The following TANC2 variants were observed in gnomAD, a reference collection of about 807,000 sequenced individuals.
TANC2 encodes protein TANC2.
In TANC2, 26 loss-of-function variants were observed where a neutral mutation model predicts 210.5. The observed-to-expected ratio is 0.12, with a 90% confidence interval of 0.09 to 0.17. The LOEUF is 0.17. TANC2 is among the 10% of genes least tolerant of loss of function. The probability of loss-of-function intolerance (pLI) is 1.00; values close to 1 mark genes in which losing one functional copy is unlikely to be tolerated. For missense variants in TANC2, 2,129 were observed against 2,608.9 expected (o/e 0.82, Z 4.01); for synonymous variants, 931 against 967.1 (o/e 0.96, Z 0.69).
At chr17:62,975,132 T>G (rs761914466) in intron 1 of TANC2, among the ~76,000 whole-genome samples, 2 of 152,184 alleles carry the variant, frequency 1.3e-5, no homozygotes, top group Non-Finnish European at 2.9e-5. Context: ...ATATAGAGAT[T>G]GTGATTTAGT....
At chr17:63,342,559 G>A (rs957591034) in intron 12 of TANC2, among the ~76,000 whole-genome samples, 1 of 151,886 alleles carries the variant, frequency 6.6e-6, no homozygotes, top group African/African-American at 2.4e-5. Context: ...GGTGGATCAC[G>A]AGGTCAGGAG....
At chr17:63,389,807 C>T (rs2047905812) in intron 17 of TANC2, 1 of 458,292 alleles carries the variant, frequency 2.2e-6, no homozygotes, top group South Asian at 2.2e-5. Context: ...CATAACAACC[C>T]AGAAATGATC....
intron 7 of TANC2, among the ~76,000 whole-genome samples, chr17:63,211,129 G>A (rs963546742): frequency 2.0e-5 from 3 of 151,900 alleles, no homozygotes; most frequent in African/African-American, 7.3e-5. Context: ...TCTTTCTGTT[G>A]TTTTTCACTC....
intron 11 of TANC2, among the ~76,000 whole-genome samples, chr17:63,321,014 C>T (rs1247841538): frequency 6.6e-6 from 1 of 152,124 alleles, no homozygotes; most frequent in African/African-American, 2.4e-5. Flanking sequence ...GCCTGACCAA[C>T]ATGGCAAAGC....
intron 11 of TANC2, among the ~76,000 whole-genome samples, chr17:63,322,670 T>C (rs1020062203): frequency 2.6e-5 from 4 of 152,236 alleles, no homozygotes; most frequent in Admixed American, 2.6e-4. Flanking sequence ...CCTGCTGTTA[T>C]ACAGTCCACA....
intron 9 of TANC2, among the ~76,000 whole-genome samples, chr17:63,309,357 G>A (rs1277488701): frequency 1.3e-5 from 2 of 151,956 alleles, no homozygotes; most frequent in Non-Finnish European, 2.9e-5. Flanking sequence ...TTCAAAAGAT[G>A]GTTTTGAATA....
chr17:63,091,919 C>G (rs928723856), intron 3 of TANC2, among the ~76,000 whole-genome samples: 2 of 152,160 alleles, frequency 1.3e-5, no homozygotes, highest in Non-Finnish European at 2.9e-5. Context: ...CCTTGAAGAG[C>G]TCCTTCATAT....
intron 2 of TANC2, among the ~76,000 whole-genome samples, chr17:63,038,198 C>T (rs865859048): frequency 1.7e-4 from 26 of 152,112 alleles, no homozygotes; most frequent in Non-Finnish European, 3.1e-4. Flanking sequence ...AGTAGTTCCC[C>T]TGTATTCCTA....
At chr17:63,063,615 TTG>T (rs142351130) in intron 2 of TANC2, among the ~76,000 whole-genome samples, 23 of 144,132 alleles carry the variant, frequency 1.6e-4, no homozygotes, top group African/African-American at 2.9e-4. Context: ...TTACCCAGTA[TTG>T]TGTGTGTGTG....
At chr17:63,265,298 C>T (rs1318650383) in intron 8 of TANC2, among the ~76,000 whole-genome samples, 1 of 152,056 alleles carries the variant, frequency 6.6e-6, no homozygotes, top group Non-Finnish European at 1.5e-5. Flanking sequence ...TCAGAATCTC[C>T]CACAAAATTC....
At chr17:63,401,068 G>A (rs1220342526) in intron 19 of TANC2, among the ~76,000 whole-genome samples, 1 of 152,130 alleles carries the variant, frequency 6.6e-6, no homozygotes, top group African/African-American at 2.4e-5. Flanking sequence ...AATGGACTTT[G>A]ATTTACTGTT....
chr17:62,996,989 A>ATTTTTTTTTTT (rs1568304676), intron 1 of TANC2, among the ~76,000 whole-genome samples: 3 of 134,956 alleles, frequency 2.2e-5, no homozygotes, highest in African/African-American at 8.8e-5. Flanking sequence ...AATTTTTTGT[A>ATTTTTTTTTTT]TTTTTAGTAT....
chr17:63,202,350 A>G (rs2041562574), intron 7 of TANC2, among the ~76,000 whole-genome samples: 1 of 152,166 alleles, frequency 6.6e-6, no homozygotes, highest in Admixed American at 6.5e-5. Flanking sequence ...TTCTGTCCAA[A>G]ACATAAATGG....
At chr17:63,280,828 T>C (rs1437403030) in intron 9 of TANC2, among the ~76,000 whole-genome samples, 2 of 152,108 alleles carry the variant, frequency 1.3e-5, no homozygotes, top group Non-Finnish European at 2.9e-5. Flanking sequence ...TACCTATAAA[T>C]AGGTAGCTAT....
Position 63,016,235 on chromosome 17 carries a change from C to T in TANC2, c.67+6609C>T, listed in dbSNP as rs184789155. 4.0e-3 allele frequency among the ~76,000 whole-genome samples: 614 copies of T among 152,224 alleles called. 5 individuals carry two copies. The highest frequency in any genetic ancestry group is 0.014 in the African/African-American group (595 of 41,518). On this transcript the variant is annotated intron_variant, in intron 2 of 27. Coordinates refer to ENST00000689528, the Ensembl canonical transcript of TANC2. ...CCAATTAGAAAAAAATTTTAAACCA[C>T]ATTATTATATGTTGAAAAAGTATTT...
chr17:63,010,514 A>G (rs1367312041), intron 2 of TANC2, among the ~76,000 whole-genome samples: 1 of 151,794 alleles, frequency 6.6e-6, no homozygotes, highest in East Asian at 1.9e-4. Context: ...GTAGACACCA[A>G]CTGTATGTCC....
intron 2 of TANC2, among the ~76,000 whole-genome samples, chr17:63,065,258 G>A (rs2036154844): frequency 6.6e-6 from 1 of 152,164 alleles, no homozygotes; most frequent in Non-Finnish European, 1.5e-5. Flanking sequence ...GTATTACATT[G>A]TGTATTCACC....
intron 3 of TANC2, among the ~76,000 whole-genome samples, chr17:63,084,377 C>G (rs569412816): frequency 2.0e-5 from 3 of 152,014 alleles, no homozygotes; most frequent in East Asian, 3.9e-4. Flanking sequence ...CTCTCTCTCT[C>G]TTTTTTAGCC....
At chr17:63,009,712 A>G (rs16946713) in intron 2 of TANC2, 86 bp downstream of exon 2, 214,356 of 1,118,404 alleles carry the variant, frequency 0.19, 21,667 homozygotes, top group African/African-American at 0.24. Context: ...GTAACACTTT[A>G]TTAATGCTTA....
Sources: gnomAD v4.1 joint callset for allele counts (sites outside exome capture counted in the v4.1 genomes callset) on GRCh38, gnomAD v4.1.1 for gene constraint, MANE v1.5 for transcripts, NCBI Gene and HGNC (gene_info 2026-07-23, HGNC 2026-07-21) for gene names.